The following SLIT3 variants were observed in gnomAD, a reference collection of about 807,000 sequenced individuals.
SLIT3 encodes slit homolog 3 protein.
A neutral mutation model predicts 184.0 loss-of-function variants in SLIT3; 68 were observed. The observed-to-expected ratio is 0.37, with a 90% CI of 0.30 to 0.45. The LOEUF is 0.45. Ranked by LOEUF, SLIT3 falls within the 20% of genes least tolerant of loss-of-function variation. SLIT3 has a pLI of 1.00. For missense variants in SLIT3, 1,707 were observed against 2,026.0 expected, an observed-to-expected ratio of 0.84 and a Z score of 3.02; for synonymous variants, 831 against 828.6, an observed-to-expected ratio of 1.00 and a Z score of -0.05.
At chr5:169,103,087 A>G (rs1021976861) in intron 4 of SLIT3, among the ~76,000 whole-genome samples, 1 of 152,348 alleles carries the variant, frequency 6.6e-6, no homozygotes, top group South Asian at 2.1e-4. Context: ...GGTATTGTAC[A>G]TGCATTAACC....
intron 4 of SLIT3, among the ~76,000 whole-genome samples, chr5:168,991,039 G>A (rs937880857): frequency 3.9e-5 from 6 of 152,190 alleles, no homozygotes; most frequent in Non-Finnish European, 5.9e-5. Context: ...GGTCAGAAAG[G>A]TAAAGGAATT....
chr5:169,221,621 G>A (rs149681956), intron 3 of SLIT3, among the ~76,000 whole-genome samples: 310 of 152,258 alleles, frequency 2.0e-3, no homozygotes, highest in Non-Finnish European at 3.1e-3. Context: ...AGGGTGGGTG[G>A]TCACTACCCC....
chr5:169,152,389 G>A (rs982601897), intron 4 of SLIT3, among the ~76,000 whole-genome samples: 18 of 152,184 alleles, frequency 1.2e-4, no homozygotes, highest in African/African-American at 3.9e-4. Flanking sequence ...GGTGTCCCGC[G>A]TGCATGCATC....
At chr5:168,774,918 A>T (rs1019168272) in intron 12 of SLIT3, among the ~76,000 whole-genome samples, 2 of 152,076 alleles carry the variant, frequency 1.3e-5, no homozygotes, top group African/African-American at 2.4e-5. Flanking sequence ...TCTCTGTCAT[A>T]CACACATGTG....
intron 16 of SLIT3, among the ~76,000 whole-genome samples, chr5:168,755,446 T>TCTCTCTCTCTCTCTCTCTCTCTCTCTC (rs1754904459): frequency 1.7e-5 from 2 of 115,570 alleles, no homozygotes; most frequent in Non-Finnish European, 3.9e-5. Flanking sequence ...TCTTTCTTTC[T>TCTCTCTCTCTCTCTCTCTCTCTCTCTC]TTTTGAGACA....
intron 26 of SLIT3, among the ~76,000 whole-genome samples, chr5:168,704,882 G>A (rs919709617): frequency 3.3e-5 from 5 of 152,148 alleles, no homozygotes; most frequent in South Asian, 2.1e-4. Flanking sequence ...CATCTTAGTC[G>A]CTCTGTTTGG....
chr5:168,845,787 C>T (rs975238018), intron 5 of SLIT3, among the ~76,000 whole-genome samples: 1 of 152,180 alleles, frequency 6.6e-6, no homozygotes, highest in Non-Finnish European at 1.5e-5. Flanking sequence ...TGGTTATTGA[C>T]ACCAGATTGT....
At chr5:168,969,947 C>T (rs770964085) in intron 4 of SLIT3, among the ~76,000 whole-genome samples, 8 of 151,988 alleles carry the variant, frequency 5.3e-5, no homozygotes, top group African/African-American at 1.2e-4. Context: ...TTTGGGAGGC[C>T]GAGGCCGGTG....
chr5:168,977,940 T>A (rs1219288887), intron 4 of SLIT3, among the ~76,000 whole-genome samples: 1 of 152,148 alleles, frequency 6.6e-6, no homozygotes, highest in Non-Finnish European at 1.5e-5. Context: ...AATAGGGAGA[T>A]GGGCAGGAGG....
chr5:169,211,830 C>T (rs535141609), intron 3 of SLIT3, among the ~76,000 whole-genome samples: 1 of 152,244 alleles, frequency 6.6e-6, no homozygotes, highest in African/African-American at 2.4e-5. Context: ...TGTTCCCCTC[C>T]CTGTGTCCAT....
At chr5:169,287,836 T>C (rs916606782) in intron 1 of SLIT3, among the ~76,000 whole-genome samples, 1 of 152,178 alleles carries the variant, frequency 6.6e-6, no homozygotes, top group African/African-American at 2.4e-5. Flanking sequence ...CCTGAGAACC[T>C]GCCTCTGACA....
At chr5:169,113,220 C>T (rs1760475446) in intron 4 of SLIT3, among the ~76,000 whole-genome samples, 2 of 152,294 alleles carry the variant, frequency 1.3e-5, no homozygotes, top group Non-Finnish European at 2.9e-5. Flanking sequence ...AGCAGCTCCT[C>T]ATTTGCCCTT....
intron 6 of SLIT3, among the ~76,000 whole-genome samples, chr5:168,836,153 A>G (rs1718929982): frequency 1.3e-5 from 2 of 152,178 alleles, no homozygotes; most frequent in African/African-American, 4.8e-5. Context: ...ACTCAGGTCT[A>G]TAGAAAAGCA....
In SLIT3 at chr5:168,727,264, G is replaced by A. The variant is rs1455590416; in HGVS notation, c.2271-2780C>T. Among the ~76,000 whole-genome samples the A allele has an allele frequency of 2.0e-5, 3 of 152,280 alleles. No individual in the cohort carries two copies. The South Asian group carries it at 6.2e-4, about 32-fold the overall frequency. On this transcript the variant is annotated intron_variant, in intron 20 of 35. Coordinates refer to ENST00000519560, the MANE Select transcript of SLIT3 (RefSeq NM_003062.4). ...GAACCCAGAAGGCCAAGGTTGCAGT[G>A]AGCTGAGATGGTGCCACTGCACTCT...
At chr5:169,078,066 G>A (rs1361118868) in intron 4 of SLIT3, among the ~76,000 whole-genome samples, 2 of 151,956 alleles carry the variant, frequency 1.3e-5, no homozygotes, top group African/African-American at 4.8e-5. Context: ...ACTTTCTAGG[G>A]GCATGATCTG....
chr5:169,128,199 A>C (rs928878472), intron 4 of SLIT3, among the ~76,000 whole-genome samples: 5 of 149,720 alleles, frequency 3.3e-5, no homozygotes, highest in African/African-American at 1.2e-4. Flanking sequence ...AAATGTCAAT[A>C]ATTTTCTTTG....
chr5:169,140,480 CAAAAAAAAAA>C (rs34881862), intron 4 of SLIT3, among the ~76,000 whole-genome samples: 21 of 46,928 alleles, frequency 4.5e-4, no homozygotes, highest in Admixed American at 2.5e-3. Flanking sequence ...AACTCTAACT[CAAAAAAAAAA>C]AAAAAAAAAA....
At chr5:168,987,192 T>C (rs1755159759) in intron 4 of SLIT3, among the ~76,000 whole-genome samples, 1 of 152,160 alleles carries the variant, frequency 6.6e-6, no homozygotes, top group Non-Finnish European at 1.5e-5. Context: ...TAACCTGGAA[T>C]CCTGACAACT....
At chr5:168,770,628 T>G (rs1489688233) in intron 14 of SLIT3, among the ~76,000 whole-genome samples, 1 of 150,836 alleles carries the variant, frequency 6.6e-6, no homozygotes, top group South Asian at 2.1e-4. Context: ...CATCTCTACT[T>G]TTTAGGAATA....
Sources: gnomAD v4.1 joint callset for allele counts (sites outside exome capture counted in the v4.1 genomes callset) on GRCh38, gnomAD v4.1.1 for gene constraint, MANE v1.5 for transcripts, NCBI Gene and HGNC (gene_info 2026-07-23, HGNC 2026-07-21) for gene names.